The following CCSER2 variants were observed in gnomAD, a reference collection of about 807,000 sequenced individuals.
CCSER2 encodes coiled-coil serine rich protein 2.
A neutral mutation model predicts 92.3 loss-of-function variants in CCSER2; 46 were observed. That is an observed-to-expected ratio of 0.50 (90% confidence interval 0.39 to 0.64). CCSER2 has a LOEUF of 0.64. CCSER2 is among the 30% of genes least tolerant of loss of function. The pLI, the probability that CCSER2 is intolerant of heterozygous loss-of-function variation, is 0.00. For missense variants in CCSER2, 1,244 were observed against 1,238.9 expected (o/e 1.00, Z -0.06); for synonymous variants, 433 against 431.4 (o/e 1.00, Z -0.04).
intron 3 of CCSER2, among the ~76,000 whole-genome samples, chr10:84,379,087 G>C (rs1166174515): frequency 6.6e-6 from 1 of 152,172 alleles, no homozygotes; most frequent in East Asian, 1.9e-4. Context: ...GAATTTGCCA[G>C]AATTCAGCCT....
At chr10:84,357,369 T>C (rs1249596080) in intron 1 of CCSER2, among the ~76,000 whole-genome samples, 3 of 152,186 alleles carry the variant, frequency 2.0e-5, no homozygotes. Context: ...GAAAATTCCC[T>C]AGCTCCCTTT....
intron 9 of CCSER2, among the ~76,000 whole-genome samples, chr10:84,496,650 A>G (rs1202581409): frequency 6.6e-6 from 1 of 152,108 alleles, no homozygotes; most frequent in East Asian, 1.9e-4. Context: ...GGTGTTAGGT[A>G]GATTACTGGA....
At chr10:84,408,343 A>G (rs1842473282) in intron 3 of CCSER2, among the ~76,000 whole-genome samples, 1 of 152,124 alleles carries the variant, frequency 6.6e-6, no homozygotes, top group African/African-American at 2.4e-5. Context: ...GTGGATCTTT[A>G]TCTAATGAGA....
At chr10:84,395,050 C>T (rs1206091626) in intron 3 of CCSER2, among the ~76,000 whole-genome samples, 1 of 151,538 alleles carries the variant, frequency 6.6e-6, no homozygotes, top group Non-Finnish European at 1.5e-5. Context: ...GTAACAAGAC[C>T]CCATCTGTAC....
At chr10:84,344,652 T>A (rs1007915999) in intron 1 of CCSER2, among the ~76,000 whole-genome samples, 7 of 152,162 alleles carry the variant, frequency 4.6e-5, no homozygotes, top group African/African-American at 1.4e-4. Flanking sequence ...TGGAGAGAAT[T>A]CCCACGGTGG....
In CCSER2 at chr10:84,515,299, A is replaced by G. The variant is rs1434183389; in HGVS notation, c.*1032A>G. On this transcript the variant is annotated 3_prime_UTR_variant, in exon 10 of 10. Coordinates refer to ENST00000372088, the MANE Select transcript of CCSER2 (RefSeq NM_001284240.2). Reference sequence around the variant, plus strand: ...ATACCATATATAGGGATTGTAAACTATTTTCTATAGCAAAACAAGTTAAAA... The same window carrying G: ...ATACCATATATAGGGATTGTAAACTGTTTTCTATAGCAAAACAAGTTAAAA... 1 of 152,614 alleles carries G rather than the reference A, an allele frequency of 6.6e-6. No homozygotes were observed. 9.5% of individuals were successfully genotyped at this position (152,614 alleles called of 1,614,324 possible).
At chr10:84,478,309 C>A (rs1201293397) in intron 9 of CCSER2, among the ~76,000 whole-genome samples, 1 of 152,130 alleles carries the variant, frequency 6.6e-6, no homozygotes, top group Non-Finnish European at 1.5e-5. Context: ...TGTGTGTGAG[C>A]CAGAGAATTA....
At chr10:84,350,626 A>G (rs914630194) in intron 1 of CCSER2, among the ~76,000 whole-genome samples, 5 of 152,180 alleles carry the variant, frequency 3.3e-5, no homozygotes, top group African/African-American at 1.2e-4. Context: ...TAATGCTTTC[A>G]CAGATGGACA....
rs747177555 is a variant in CCSER2, at chr10:84,513,518, C to T, written c.2395C>T (p.Pro799Ser). Reference sequence around the variant, plus strand: ...TCACACCCAGGGAAAACTAATAAAGCCACAACGTATCGAGGCCCGCAGTGA... The same window carrying T: ...TCACACCCAGGGAAAACTAATAAAGTCACAACGTATCGAGGCCCGCAGTGA... ...TDHTQGKLIK[P>S]QRIEARSECS... The change falls in exon 10 of 10, where the codon CCA (proline) becomes TCA (serine). Residue 799 changes from proline to serine, a missense_variant. Transcript: ENST00000372088. The T allele has an allele frequency of 1.9e-6, 3 of 1,613,936 alleles. No homozygotes were observed. The highest frequency in any genetic ancestry group is 4.5e-5 in the East Asian group (2 of 44,890).
intron 9 of CCSER2, among the ~76,000 whole-genome samples, chr10:84,491,709 C>G (rs889998973): frequency 2.0e-5 from 3 of 152,146 alleles, no homozygotes; most frequent in African/African-American, 7.2e-5. Flanking sequence ...ATGCCTCGCC[C>G]TGCTTCCACT....
intron 1 of CCSER2, among the ~76,000 whole-genome samples, chr10:84,354,905 T>C (rs1306697852): frequency 1.3e-5 from 2 of 151,608 alleles, no homozygotes; most frequent in African/African-American, 2.4e-5. Flanking sequence ...AAGCCCAGAA[T>C]TTTGAGCTCT....
chr10:84,359,668 C>T (rs1283401146), intron 1 of CCSER2, among the ~76,000 whole-genome samples: 7 of 151,832 alleles, frequency 4.6e-5, no homozygotes, highest in Non-Finnish European at 1.0e-4. Context: ...TTTGGGAGTT[C>T]TCTGAATAGG....
rs1020127490 is a variant in CCSER2 at position 84,425,675 on chromosome 10, TCAA to T, written c.1706-54_1706-52del. The T allele has an allele frequency of 1.0e-5, 13 of 1,241,190 alleles. No homozygotes were observed. The African/African-American group carries it at 1.8e-4, about 18-fold the overall frequency. The allele number at this position is 1,241,190 out of a possible 1,614,324, so 76.9% of individuals were successfully genotyped here. On this transcript the variant is annotated intron_variant, in intron 4 of 9. Transcript: ENST00000372088. The stretch of plus-strand genomic sequence containing the variant: ...GCATTTAATTATCAAGCTATAAGAG[TCAA>T]CTTTTATGGAGTATGTACATGTTTA...
At chr10:84,485,662 G>A (rs77563055) in intron 9 of CCSER2, among the ~76,000 whole-genome samples, 2,908 of 152,026 alleles carry the variant, frequency 0.019, 88 homozygotes, top group Admixed American at 0.073. Context: ...TTATGAATAT[G>A]GTATGTCTCT....
In CCSER2 at chr10:84,425,756, T is replaced by C. The variant is rs1843397284; in HGVS notation, c.1731T>C (p.Phe577=). 6.2e-7 allele frequency: 1 copy of C among 1,613,162 alleles called. No homozygotes were observed. Among genetic ancestry groups the C allele is most frequent in the East Asian group, 2.2e-5 (1 of 44,832 alleles). The change falls in exon 5 of 10, where the codon TTT becomes TTC. Residue 577 remains phenylalanine, a synonymous_variant. Coordinates refer to ENST00000372088, the MANE Select transcript of CCSER2 (RefSeq NM_001284240.2). ...TGGAGTGTGACAATATGAACCGCTT[T>C]GACCGACCAGACAGAAATGTTCGGC... ...ENVECDNMNR[F]DRPDRNVRQP...
chr10:84,372,518 A>G (rs1564609527), intron 2 of CCSER2, 49 bp downstream of exon 2: 1 of 1,032,400 alleles, frequency 9.7e-7, no homozygotes, highest in African/African-American at 1.6e-5. Flanking sequence ...AAATAATATA[A>G]CTGAACTTAC....
intron 8 of CCSER2, among the ~76,000 whole-genome samples, chr10:84,470,982 A>T (rs533151886): frequency 2.6e-5 from 4 of 152,214 alleles, no homozygotes; most frequent in Admixed American, 2.6e-4. Context: ...TCTCATATGA[A>T]AACAATATGT....
intron 5 of CCSER2, among the ~76,000 whole-genome samples, 168 bp from the exon 6 acceptor site, chr10:84,438,344 T>C (rs1451396933): frequency 6.6e-6 from 1 of 152,230 alleles, no homozygotes; most frequent in Non-Finnish European, 1.5e-5. Context: ...CTACAGCTGA[T>C]TGCGCCTTTT....
chr10:84,398,642 TTTG>T (rs1170079562), intron 3 of CCSER2, among the ~76,000 whole-genome samples: 1 of 152,196 alleles, frequency 6.6e-6, no homozygotes, highest in Non-Finnish European at 1.5e-5. Context: ...TTAAGGTAGG[TTTG>T]TTCCAGGGAA....
Sources: gnomAD v4.1 joint callset for allele counts (sites outside exome capture counted in the v4.1 genomes callset) on GRCh38, gnomAD v4.1.1 for gene constraint, MANE v1.5 for transcripts, NCBI Gene and HGNC (gene_info 2026-07-23, HGNC 2026-07-21) for gene names.